Variants in THUMPD1 observed in about 807,000 individuals in gnomAD.
THUMPD1 encodes the protein THUMP domain 1 NAT10 acetyltransferase adaptor, also known as THUMP domain-containing protein 1.
THUMPD1 carries 31 observed loss-of-function variants against 31.6 expected under a neutral mutation model. That is an observed-to-expected ratio of 0.98 (90% CI 0.74 to 1.32). The LOEUF is 1.32. Among genes scored for constraint, THUMPD1 ranks in the 40% most tolerant of loss-of-function variants. THUMPD1 has a pLI of 0.00. For missense variants in THUMPD1, 446 were observed against 427.8 expected, an observed-to-expected ratio of 1.04 and a Z score of -0.38; for synonymous variants, 166 against 158.2, an observed-to-expected ratio of 1.05 and a Z score of -0.37.
intron 1 of THUMPD1, 28 bp downstream of exon 1, chr16:20,741,481 G>GGGGGGGGGGGGGGCCCCCCCCCCC: frequency 7.6e-7 from 1 of 1,308,412 alleles, no homozygotes; most frequent in Non-Finnish European, 9.9e-7. Context: ...CTGGCAGCCG[G>GGGGGGGGGGGGGGCCCCCCCCCCC]CCCGCCCGCC....
chr16:20,738,158 C>T (rs1379469661), intron 2 of THUMPD1: 1 of 651,686 alleles, frequency 1.5e-6, no homozygotes, highest in African/African-American at 1.8e-5. Flanking sequence ...TATATTTTAA[C>T]TTTTCATCAT....
Position 20,737,220 on chromosome 16 carries a change from A to G in THUMPD1, c.722T>C (p.Val241Ala). 3 of 1,614,180 alleles carry G rather than the reference A, an allele frequency of 1.9e-6. No homozygotes were observed. Among genetic ancestry groups the G allele is most frequent in the African/African-American group, 2.7e-5 (2 of 75,058 alleles). ...DLTNPQYTVV[V>A]EIIKAVCCLS... ...GCAACAGACAGCTTTGATGATTTCT[A>G]CTACCACTGTGTACTGTGGATTGGT... Residue 241 changes from valine to alanine, a missense_variant, in exon 4 of 4, where the codon GTA becomes GCA. By Grantham distance (64) the Val-to-Ala change is moderately conservative. Transcript: ENST00000396083.
At chr16:20,741,481 G>GGGGGGGGGGGGGGCCCCCCCCCC in intron 1 of THUMPD1, 28 bp downstream of exon 1, 3 of 1,308,414 alleles carry the variant, frequency 2.3e-6, no homozygotes, top group Non-Finnish European at 3.0e-6. Flanking sequence ...CTGGCAGCCG[G>GGGGGGGGGGGGGGCCCCCCCCCC]CCCGCCCGCC....
chr16:20,736,815 T>C lies in THUMPD1; in HGVS notation c.*65A>G. 6.6e-7 allele frequency: 1 copy of C among 1,523,662 alleles called. No homozygotes were observed. The highest frequency in any genetic ancestry group is 8.9e-7 in the Non-Finnish European group (1 of 1,120,302). 94.4% of individuals were successfully genotyped at this position (1,523,662 alleles called of 1,614,324 possible). ...AACTGTTTTTAGTCACAATTTAAGG[T>C]GGAGCCCCAGCAACATCTCGTAGAG... On this transcript the variant is annotated 3_prime_UTR_variant, in exon 4 of 4. Coordinates refer to ENST00000396083, the MANE Select transcript of THUMPD1 (RefSeq NM_017736.5).
Position 20,737,824 on chromosome 16 carries a change from G to A in THUMPD1, c.539C>T (p.Ala180Val). 5 of 1,613,820 alleles carry A rather than the reference G, an allele frequency of 3.1e-6. No homozygotes were observed. The highest frequency in any genetic ancestry group is 3.4e-6 in the Non-Finnish European group (4 of 1,179,890). ...AAACCAGGGTTCCAAAAATGTTTCT[G>A]CATATTTTTTCATATCTTCTAAAAA... Reference protein sequence around the residue: ...KAFLEDMKKYAETFLEPWFKA... With the variant: ...KAFLEDMKKYVETFLEPWFKA... The change falls in exon 3 of 4, where the codon GCA (alanine) becomes GTA (valine). Residue 180 changes from alanine (A) to valine (V), a missense_variant. Coordinates refer to ENST00000396083, the MANE Select transcript of THUMPD1 (RefSeq NM_017736.5).
chr16:20,741,481 G>GGGGGC, intron 1 of THUMPD1, 28 bp downstream of exon 1: 1 of 1,308,414 alleles, frequency 7.6e-7, no homozygotes, highest in Non-Finnish European at 9.9e-7. Context: ...CTGGCAGCCG[G>GGGGGC]CCCGCCCGCC....
chr16:20,741,359 A>T, intron 1 of THUMPD1, 150 bp downstream of exon 1: 1 of 956,908 alleles, frequency 1.0e-6, no homozygotes, highest in Non-Finnish European at 1.5e-6. Flanking sequence ...TCTCAGGACT[A>T]GGGACGGAAA....
chr16:20,740,770 C>T (rs1373461353), intron 1 of THUMPD1, among the ~76,000 whole-genome samples: 1 of 152,148 alleles, frequency 6.6e-6, no homozygotes, highest in African/African-American at 2.4e-5. Context: ...AACACTAAGA[C>T]TTTAGGTGAT....
intron 1 of THUMPD1, among the ~76,000 whole-genome samples, chr16:20,740,216 G>A (rs543878901): frequency 3.9e-5 from 6 of 152,238 alleles, no homozygotes; most frequent in African/African-American, 1.4e-4. Context: ...AACATGGCCT[G>A]AGAACCCGTC....
chr16:20,740,264 C>T (rs544700578), intron 1 of THUMPD1, among the ~76,000 whole-genome samples: 1 of 152,320 alleles, frequency 6.6e-6, no homozygotes, highest in African/African-American at 2.4e-5. Flanking sequence ...GGCATGGTGG[C>T]ACATGCCTGC....
chr16:20,738,251 A>C (rs748816576), intron 2 of THUMPD1: 1 of 487,902 alleles, frequency 2.0e-6, no homozygotes, highest in Non-Finnish European at 4.0e-6. Context: ...TCCAACCGTA[A>C]CACCATGCTG....
intron 1 of THUMPD1, 98 bp downstream of exon 1, chr16:20,741,411 C>T: frequency 3.6e-6 from 5 of 1,408,370 alleles, no homozygotes; most frequent in Middle Eastern, 2.6e-4. Context: ...CGCCGACGAC[C>T]CGAGGCGCGC....
In THUMPD1 at chr16:20,736,591, A is replaced by T; in HGVS notation, c.*289T>A. 1 of 340,574 alleles carries T rather than the reference A, an allele frequency of 2.9e-6. No homozygotes were observed. Among genetic ancestry groups the T allele is most frequent in the South Asian group, 6.3e-5 (1 of 15,962 alleles). The allele number at this position is 340,574 out of a possible 1,614,324, so 21.1% of individuals were successfully genotyped here. On this transcript the variant is annotated 3_prime_UTR_variant, in exon 4 of 4. Coordinates refer to ENST00000396083, the MANE Select transcript of THUMPD1 (RefSeq NM_017736.5). ...ACTTCACAGGTAGTTCACTCCCTTA[A>T]GTCAGCTGGCACTGCAGAAGAGGAG...
chr16:20,741,484 C>A, intron 1 of THUMPD1, 25 bp downstream of exon 1: 2 of 204,104 alleles, frequency 9.8e-6, no homozygotes, highest in Admixed American at 6.6e-5. Context: ...GCAGCCGGCC[C>A]GCCCGCCCAC....
At position 20,741,550 on chromosome 16, in the gene THUMPD1, G is replaced by T; in HGVS notation, c.190C>A (p.Leu64Ile). 1 of 1,579,766 alleles carries T rather than the reference G, an allele frequency of 6.3e-7. No individual in the cohort carries two copies. The highest frequency in any genetic ancestry group is 8.6e-7 in the Non-Finnish European group (1 of 1,163,248). ...ERKCVEEAYS[L>I]LNEYGDDMYG... is the part of the protein sequence containing the mutation. ...ATGTCGTCGCCGTATTCGTTGAGGA[G>T]GCTGTAGGCCTCCTCCACGCACTTG... Residue 64 changes from leucine (L) to isoleucine (I), a missense_variant, in exon 1 of 4, where the codon CTC becomes ATC. Coordinates refer to ENST00000396083, the MANE Select transcript of THUMPD1 (RefSeq NM_017736.5).
chr16:20,741,734 C>T lies in THUMPD1; in HGVS notation c.6G>A (p.Ala2=), dbSNP rs2079927591. The T allele has an allele frequency of 1.9e-6, 3 of 1,569,414 alleles. No homozygotes were observed. The highest frequency in any genetic ancestry group is 2.6e-6 in the Non-Finnish European group (3 of 1,156,894). The change falls in exon 1 of 4, where the codon GCG becomes GCA. Residue 2 remains alanine, a synonymous_variant. Transcript: ENST00000396083. ...GCTGAGTAGTCTGCTGGGCAGGGGCCGCCATGGTGTGCGCAAACTGAGAGG... is the reference window on the plus strand; with the variant it reads ...GCTGAGTAGTCTGCTGGGCAGGGGCTGCCATGGTGTGCGCAAACTGAGAGG... M[A]APAQQTTQPG...
chr16:20,740,744 A>C (rs1009276951), intron 1 of THUMPD1, among the ~76,000 whole-genome samples: 5 of 152,222 alleles, frequency 3.3e-5, no homozygotes, highest in Non-Finnish European at 7.3e-5. Context: ...ATTCTAAGCC[A>C]GTAATATGAT....
Position 20,736,949 on chromosome 16 carries a change from T to G in THUMPD1, c.993A>C (p.Gly331=). Reference sequence around the variant, plus strand: ...GACTTGCAAGTTCAGGTTTGGCTCCTCCCTCATTTACCACCTGTGGATTAG... The same window carrying G: ...GACTTGCAAGTTCAGGTTTGGCTCCGCCCTCATTTACCACCTGTGGATTAG... ...PTSNPQVVNE[G]GAKPELASQA... Residue 331 remains glycine, a synonymous_variant, in exon 4 of 4, where the codon GGA becomes GGC. Transcript: ENST00000396083. The G allele has an allele frequency of 1.2e-6, 2 of 1,614,168 alleles. No individual in the cohort carries two copies. Among genetic ancestry groups the G allele is most frequent in the East Asian group, 4.5e-5 (2 of 44,890 alleles).
rs1436657540 is a variant in THUMPD1 at position 20,734,134 on chromosome 16, A to C, written c.*2746T>G. 6.6e-6 allele frequency: 1 copy of C among 152,546 alleles called. No individual in the cohort carries two copies. The highest frequency in any genetic ancestry group is 1.5e-5 in the Non-Finnish European group (1 of 68,020). The allele number at this position is 152,546 out of a possible 1,614,324, so 9.4% of individuals were successfully genotyped here. On this transcript the variant is annotated 3_prime_UTR_variant, in exon 4 of 4. Coordinates refer to ENST00000396083, the MANE Select transcript of THUMPD1 (RefSeq NM_017736.5). ...CAAATAAATATAAAAGACAATTTAA[A>C]AACAAACTGTATAATCAAAATCTTT...
Sources: gnomAD v4.1 joint callset for allele counts (sites outside exome capture counted in the v4.1 genomes callset) on GRCh38, gnomAD v4.1.1 for gene constraint, MANE v1.5 for transcripts, NCBI Gene and HGNC (gene_info 2026-07-23, HGNC 2026-07-21) for gene names.